Variants in PLCG2 observed in about 807,000 individuals in gnomAD.
The protein encoded by PLCG2 is phospholipase C gamma 2.
PLCG2 carries 69 observed loss-of-function variants against 175.6 expected under a neutral mutation model. The observed-to-expected ratio is 0.39, with a 90% CI of 0.32 to 0.48. The LOEUF (loss-of-function observed/expected upper bound fraction) is 0.48, where lower values mean the gene tolerates loss of function less well. PLCG2 is among the 20% of genes least tolerant of loss of function. PLCG2 has a pLI of 0.91. For synonymous variants in PLCG2, 827 were observed against 624.0 expected (o/e 1.33, Z -4.85); for missense variants, 1,798 against 1,650.9 (o/e 1.09, Z -1.54).
intron 14 of PLCG2, among the ~76,000 whole-genome samples, chr16:81,902,280 G>T (rs540646914): frequency 1.5e-4 from 23 of 152,288 alleles, no homozygotes; most frequent in African/African-American, 5.5e-4. Flanking sequence ...AGGTATTTCA[G>T]TCTGTTCCTG....
chr16:81,799,045 G>C (rs932148444), intron 2 of PLCG2: 2 of 152,296 alleles, frequency 1.3e-5, no homozygotes, highest in African/African-American at 4.8e-5. Flanking sequence ...CAAGCCCAGC[G>C]TGGCGCAGAG....
intron 28 of PLCG2, chr16:81,938,462 C>G: frequency 3.1e-6 from 1 of 326,556 alleles, no homozygotes; most frequent in East Asian, 5.3e-5. Flanking sequence ...GTTCCTCAGC[C>G]TTTCCTAGGG....
rs1053991448 is a variant in PLCG2, at chr16:81,769,681, G to C, written c.-48+13715G>C. Among the ~76,000 whole-genome samples the C allele has an allele frequency of 3.3e-5, 5 of 151,300 alleles. No individual in the cohort carries two copies. In the South Asian group the frequency reaches 1.0e-3, roughly 31 times the overall value. On this transcript the variant is annotated intron_variant, in intron 2 of 5. Transcript: ENST00000565054. ...AAATACAAAAAAAAATTAGCCGGGC[G>C]TAGTGGCGGGCGCCTGTAGTCCCAG...
intron 2 of PLCG2, among the ~76,000 whole-genome samples, chr16:81,830,871 G>A (rs905854682): frequency 1.2e-4 from 18 of 151,966 alleles, no homozygotes; most frequent in Admixed American, 6.6e-4. Flanking sequence ...CAGAGACAGC[G>A]TGACTAGAAT....
At chr16:81,766,739 C>G (rs1343541355) in intron 2 of PLCG2, 2 of 152,182 alleles carry the variant, frequency 1.3e-5, no homozygotes, top group Non-Finnish European at 1.5e-5. Context: ...AGAACATTCC[C>G]TGGAACACAG....
At chr16:81,837,949 G>A (rs1330465703) in intron 2 of PLCG2, among the ~76,000 whole-genome samples, 1 of 152,050 alleles carries the variant, frequency 6.6e-6, no homozygotes, top group Non-Finnish European at 1.5e-5. Context: ...TGTGTATTTA[G>A]TTATGTACAA....
intron 2 of PLCG2, among the ~76,000 whole-genome samples, chr16:81,768,205 C>A (rs1047685339): frequency 6.6e-6 from 1 of 152,182 alleles, no homozygotes; most frequent in East Asian, 1.9e-4. Flanking sequence ...TCAGCTTAGT[C>A]ATGCATTTGA....
At position 81,959,002 on chromosome 16, in the gene PLCG2, T is replaced by C. The variant is rs550868002; in HGVS notation, c.*1004T>C. 2 of 223,688 alleles carry C rather than the reference T, an allele frequency of 8.9e-6. No individual in the cohort carries two copies. The highest frequency in any genetic ancestry group is 4.5e-5 in the African/African-American group (2 of 44,942). The allele number at this position is 223,688 out of a possible 1,614,324, so 13.9% of individuals were successfully genotyped here. On this transcript the variant is annotated 3_prime_UTR_variant, in exon 33 of 33. Coordinates refer to ENST00000564138, the MANE Select transcript of PLCG2 (RefSeq NM_002661.5). ...GCAGCCATCTCCCTTGGGGCAGATCTACCTAGTTCATGACAGTATGTGCGG... is the reference window on the plus strand; with the variant it reads ...GCAGCCATCTCCCTTGGGGCAGATCCACCTAGTTCATGACAGTATGTGCGG...
intron 5 of PLCG2, among the ~76,000 whole-genome samples, chr16:81,865,047 G>C (rs565900072): frequency 6.6e-6 from 1 of 152,178 alleles, no homozygotes; most frequent in African/African-American, 2.4e-5. Context: ...CATCACCCTG[G>C]GGGAAGGAAG....
At chr16:81,834,919 G>A (rs1905435450) in intron 2 of PLCG2, among the ~76,000 whole-genome samples, 1 of 152,180 alleles carries the variant, frequency 6.6e-6, no homozygotes, top group African/African-American at 2.4e-5. Context: ...GTAGAACTGG[G>A]TACTACTGCA....
intron 13 of PLCG2, among the ~76,000 whole-genome samples, chr16:81,900,362 T>C (rs1457886422): frequency 6.6e-6 from 1 of 152,148 alleles, no homozygotes; most frequent in Non-Finnish European, 1.5e-5. Context: ...TGGAAAAAAA[T>C]ACAGAGAAAA....
At chr16:81,870,770 C>CA (rs66525407) in intron 6 of PLCG2, 82 bp from the exon 7 acceptor site, 1 of 713,956 alleles carries the variant, frequency 1.4e-6, no homozygotes, top group Non-Finnish European at 2.3e-6. Flanking sequence ...ATTTCTGAAA[C>CA]AAAAATTATT....
At chr16:81,769,226 C>T (rs1339749115) in intron 2 of PLCG2, among the ~76,000 whole-genome samples, 1 of 152,194 alleles carries the variant, frequency 6.6e-6, no homozygotes, top group East Asian at 1.9e-4. Context: ...GTAAAACCCC[C>T]TTACCATTAC....
intron 4 of PLCG2, among the ~76,000 whole-genome samples, chr16:81,858,596 C>G (rs1342036531): frequency 6.6e-6 from 1 of 152,042 alleles, no homozygotes; most frequent in Non-Finnish European, 1.5e-5. Flanking sequence ...GTGCATTGGA[C>G]TCGAGATAGA....
Position 81,927,511 on chromosome 16 carries a change from C to T in PLCG2, c.2514+333C>T, listed in dbSNP as rs143499334. ...GCAGATGAAACACATTTATATTGGACAGCCAGACATTGAGAACGTGCTTGG... is the reference window on the plus strand; with the variant it reads ...GCAGATGAAACACATTTATATTGGATAGCCAGACATTGAGAACGTGCTTGG... On this transcript the variant is annotated intron_variant, in intron 23 of 32. Coordinates refer to ENST00000564138, the MANE Select transcript of PLCG2 (RefSeq NM_002661.5). Among the ~76,000 whole-genome samples the T allele has an allele frequency of 6.8e-3, 1,037 of 152,302 alleles. 4 individuals are homozygous for T. Among genetic ancestry groups the T allele is most frequent in the Non-Finnish European group, 9.0e-3 (613 of 68,026 alleles).
At chr16:81,751,433 T>C (rs1343852623) in intron 1 of PLCG2, among the ~76,000 whole-genome samples, 2 of 152,158 alleles carry the variant, frequency 1.3e-5, no homozygotes, top group African/African-American at 4.8e-5. Context: ...GTCAAACTCA[T>C]AGAAGCAGAG....
At chr16:81,796,193 T>C (rs887818280) in intron 2 of PLCG2, among the ~76,000 whole-genome samples, 6 of 152,236 alleles carry the variant, frequency 3.9e-5, no homozygotes, top group African/African-American at 1.4e-4. Context: ...GATGGTGATG[T>C]CTCTTAGACA....
intron 9 of PLCG2, among the ~76,000 whole-genome samples, chr16:81,883,824 G>C (rs1000892887): frequency 6.6e-6 from 1 of 152,216 alleles, no homozygotes; most frequent in African/African-American, 2.4e-5. Flanking sequence ...CAGTCTCCCT[G>C]GACAGGGTTT....
At chr16:81,827,311 G>C (rs890380276) in intron 2 of PLCG2, among the ~76,000 whole-genome samples, 6 of 151,688 alleles carry the variant, frequency 4.0e-5, no homozygotes, top group African/African-American at 7.3e-5. Context: ...AGTCTCCCAA[G>C]TACCTGGGAC....
Sources: gnomAD v4.1 joint callset for allele counts (sites outside exome capture counted in the v4.1 genomes callset) on GRCh38, gnomAD v4.1.1 for gene constraint, MANE v1.5 for transcripts, NCBI Gene and HGNC (gene_info 2026-07-23, HGNC 2026-07-21) for gene names.